ELMO2: variants seen among roughly 807,000 people sequenced by gnomAD.
ELMO2 encodes engulfment and cell motility protein 2.
A neutral mutation model predicts 96.2 loss-of-function variants in ELMO2; 37 were observed. The observed-to-expected ratio is 0.38, with a 90% CI of 0.30 to 0.51. The LOEUF is 0.51. Among genes scored for constraint, ELMO2 ranks in the 20% least tolerant of loss-of-function variants. The probability of loss-of-function intolerance (pLI) is 0.88; values close to 1 mark genes in which losing one functional copy is unlikely to be tolerated. For synonymous variants in ELMO2, 315 were observed against 329.4 expected (o/e 0.96, Z 0.47); for missense variants, 561 against 912.6 (o/e 0.61, Z 4.96).
rs1181847532 is a variant in ELMO2 at position 46,366,154 on chromosome 20, T to C, written c.*1206A>G. 1 of 152,680 alleles carries C rather than the reference T, an allele frequency of 6.5e-6. No individual in the cohort carries two copies. The highest frequency in any genetic ancestry group is 1.5e-5 in the Non-Finnish European group (1 of 68,040). 9.5% of individuals were successfully genotyped at this position (152,680 alleles called of 1,614,324 possible). ...TCACAACTGGAAGTGTTACATACTT[T>C]TTACTTCCCCTCAATTTTATTTTTC... is the stretch of plus-strand genomic sequence containing the variant. On this transcript the variant is annotated 3_prime_UTR_variant, in exon 22 of 22. Coordinates refer to ENST00000290246, the MANE Select transcript of ELMO2 (RefSeq NM_133171.5).
At position 46,374,393 on chromosome 20, in the gene ELMO2, A is replaced by G; in HGVS notation, c.1218T>C (p.Phe406=). ...TGGTGAGCTCAATGGCACTGCGGCCAAAGGGGCATTCATGTTTGTCTTCCC... is the reference window on the plus strand; with the variant it reads ...TGGTGAGCTCAATGGCACTGCGGCCGAAGGGGCATTCATGTTTGTCTTCCC... ...SSREDKHECP[F]GRSAIELTKM... The change falls in exon 15 of 22, where the codon TTT becomes TTC. Residue 406 remains phenylalanine (F), a synonymous_variant. Transcript: ENST00000290246. 2 of 1,614,192 alleles carry G rather than the reference A, an allele frequency of 1.2e-6. No homozygotes were observed.
rs780824479 is a variant in ELMO2 at position 46,393,498 on chromosome 20, C to T, written c.192+31G>A. 8.1e-6 allele frequency: 13 copies of T among 1,608,602 alleles called. No homozygotes were observed. The South Asian group carries it at 1.4e-4, about 18-fold the overall frequency. On this transcript the variant is annotated intron_variant, in intron 5 of 21. Transcript: ENST00000290246. ...TGGGTCGTTTAATTCCAAGCAAGGCCCATATTGATTTTGCCTCTCCCTGTA... is the reference window on the plus strand; with the variant it reads ...TGGGTCGTTTAATTCCAAGCAAGGCTCATATTGATTTTGCCTCTCCCTGTA...
intron 10 of ELMO2, among the ~76,000 whole-genome samples, chr20:46,380,897 T>C (rs886070568): frequency 2.0e-5 from 3 of 152,222 alleles, no homozygotes; most frequent in African/African-American, 7.2e-5. Context: ...TAATATTTGA[T>C]CCAGACTTTG....
intron 15 of ELMO2, among the ~76,000 whole-genome samples, chr20:46,373,916 C>T (rs2059789327): frequency 7.1e-6 from 1 of 141,038 alleles, no homozygotes; most frequent in Admixed American, 7.8e-5. Context: ...GTTGTCTAGT[C>T]CCACTGACAT....
At position 46,366,631 on chromosome 20, in the gene ELMO2, G is replaced by A. The variant is rs1958005629; in HGVS notation, c.*729C>T. On this transcript the variant is annotated 3_prime_UTR_variant, in exon 22 of 22. Transcript: ENST00000290246. ...GTGACCTCACCACAGTCTAGGCCCA[G>A]GCCTCAGCTGGGTTTTCCCTGCAGC... 6.6e-6 allele frequency: 1 copy of A among 152,336 alleles called. No individual in the cohort carries two copies. Among genetic ancestry groups the A allele is most frequent in the Admixed American group, 6.5e-5 (1 of 15,282 alleles). 9.4% of individuals were successfully genotyped at this position (152,336 alleles called of 1,614,324 possible). A position where few individuals can be genotyped will look rare whatever the true frequency, so the allele number is the denominator to read the frequency against.
chr20:46,380,628 A>T (rs1386578977), intron 10 of ELMO2, among the ~76,000 whole-genome samples: 3 of 152,222 alleles, frequency 2.0e-5, no homozygotes, highest in Non-Finnish European at 4.4e-5. Flanking sequence ...GCACATGGAC[A>T]CAGAGCAGTG....
intron 9 of ELMO2, 142 bp downstream of exon 9, chr20:46,385,982 G>A (rs1430013916): frequency 3.5e-6 from 3 of 859,756 alleles, no homozygotes; most frequent in Middle Eastern, 3.0e-4. Flanking sequence ...ATTCTGGCAG[G>A]AGTGTGGAAG....
chr20:46,370,741 CT>C (rs1387179836), intron 19 of ELMO2, among the ~76,000 whole-genome samples: 1 of 152,194 alleles, frequency 6.6e-6, no homozygotes, highest in Non-Finnish European at 1.5e-5. Flanking sequence ...CCCAGTGAGG[CT>C]GTGTCAAAGC....
At chr20:46,383,678 A>T (rs547588161) in intron 9 of ELMO2, among the ~76,000 whole-genome samples, 184 bp from the exon 10 acceptor site, 94 of 152,366 alleles carry the variant, frequency 6.2e-4, no homozygotes, top group African/African-American at 2.1e-3. Flanking sequence ...AATTTATCCT[A>T]AGACAGTAAT....
At chr20:46,394,182 G>A (rs577874755) in intron 3 of ELMO2, 93 bp from the exon 4 acceptor site, 3 of 1,274,200 alleles carry the variant, frequency 2.4e-6, no homozygotes, top group African/African-American at 2.9e-5. Flanking sequence ...GTCAAGCTGG[G>A]GCATGAGAAT....
rs2059665607 is a variant in ELMO2, at chr20:46,369,961, G to GTGTGTGT, written c.1884+481_1884+482insACACACA. ...CTGGTTTAGACAAGATGGGTATGGG[G>GTGTGTGT]GTGTGTGTGTGTGTGTGTGTGTGTG... On this transcript the variant is annotated intron_variant, in intron 20 of 21. Transcript: ENST00000290246. 1.4e-3 allele frequency: 70 copies of GTGTGTGT among 50,250 alleles called. 1 individual carries two copies. The East Asian group carries it at 0.014, about 10-fold the overall frequency. The allele number at this position is 50,250 out of a possible 1,614,324, so 3.1% of individuals were successfully genotyped here.
chr20:46,402,738 G>A (rs1318696955), intron 1 of ELMO2, among the ~76,000 whole-genome samples: 10 of 152,204 alleles, frequency 6.6e-5, no homozygotes, highest in African/African-American at 9.7e-5. Flanking sequence ...CAGAGAAGCT[G>A]GCAAGGCCAT....
intron 9 of ELMO2, among the ~76,000 whole-genome samples, chr20:46,384,503 C>G (rs968026477): frequency 2.8e-4 from 42 of 151,992 alleles, no homozygotes; most frequent in African/African-American, 9.9e-4. Context: ...ATGCCATGTT[C>G]CCCTATCATC....
chr20:46,387,024 G>A (rs1385890548), intron 8 of ELMO2, among the ~76,000 whole-genome samples: 1 of 152,162 alleles, frequency 6.6e-6, no homozygotes, highest in Non-Finnish European at 1.5e-5. Context: ...GAGAGCTCAG[G>A]AAGTCGGTCA....
At chr20:46,393,439 G>T in intron 5 of ELMO2, 90 bp downstream of exon 5, 2 of 1,384,152 alleles carry the variant, frequency 1.4e-6, no homozygotes, top group Non-Finnish European at 2.0e-6. Context: ...GAAGCTACCT[G>T]GATGCTGAGT....
At chr20:46,394,155 G>A in intron 3 of ELMO2, 66 bp from the exon 4 acceptor site, 8 of 1,457,360 alleles carry the variant, frequency 5.5e-6, no homozygotes, top group Non-Finnish European at 7.7e-6. Flanking sequence ...GTTCTGACAA[G>A]AGGCCTGCCA....
At chr20:46,374,740 C>T (rs2059820885) in intron 13 of ELMO2, 100 bp from the exon 14 acceptor site, 1 of 949,072 alleles carries the variant, frequency 1.1e-6, no homozygotes, top group Non-Finnish European at 1.6e-6. Context: ...GCTGCTACCA[C>T]TCAGCACCCA....
intron 9 of ELMO2, 50 bp downstream of exon 9, chr20:46,386,074 A>G: frequency 6.3e-7 from 1 of 1,579,524 alleles, no homozygotes; most frequent in Non-Finnish European, 8.6e-7. Context: ...ATAAGAGGAG[A>G]AAAGAGGACA....
chr20:46,382,449 A>G (rs1013391460), intron 10 of ELMO2, among the ~76,000 whole-genome samples: 31 of 152,216 alleles, frequency 2.0e-4, no homozygotes, highest in Admixed American at 1.5e-3. Flanking sequence ...CATCTTACTG[A>G]GCCCATGAGA....
Sources: allele counts gnomAD v4.1 joint callset (sites outside exome capture counted in the v4.1 genomes callset), GRCh38; gene constraint gnomAD v4.1.1; transcripts MANE v1.5; gene names NCBI Gene and HGNC (gene_info 2026-07-23, HGNC 2026-07-21).